Variants in PEAK1 observed in about 807,000 individuals in gnomAD.
PEAK1 encodes pseudopodium enriched atypical kinase 1, also known as inactive tyrosine-protein kinase PEAK1.
Under a neutral mutation model 124.7 loss-of-function variants are expected in PEAK1, and 54 were observed. That is an observed-to-expected ratio of 0.43 (90% CI 0.35 to 0.54). The LOEUF (loss-of-function observed/expected upper bound fraction) is 0.54, where lower values mean the gene tolerates loss of function less well. Ranked by LOEUF, PEAK1 falls within the 20% of genes least tolerant of loss-of-function variation. The pLI is 0.01. For missense variants in PEAK1, 2,046 were observed against 2,134.5 expected, an observed-to-expected ratio of 0.96 and a Z score of 0.82; for synonymous variants, 719 against 760.0, an observed-to-expected ratio of 0.95 and a Z score of 0.89.
intron 9 of PEAK1, among the ~76,000 whole-genome samples, chr15:77,120,601 C>G (rs776894539): frequency 6.6e-6 from 1 of 152,200 alleles, no homozygotes; most frequent in African/African-American, 2.4e-5. Flanking sequence ...CTACCTTCAT[C>G]ACTTGCCTGG....
chr15:77,185,986 A>G (rs2057527058), intron 6 of PEAK1, among the ~76,000 whole-genome samples: 1 of 152,240 alleles, frequency 6.6e-6, no homozygotes, highest in Non-Finnish European at 1.5e-5. Flanking sequence ...CAAGGCTACA[A>G]CTACCTACAA....
rs558177290 is a variant in PEAK1 at position 77,359,344 on chromosome 15, G to C, written c.-603+5819C>G. ...AGTCCCAGCTACTTGAGGGGCAGAG[G>C]CAGGAGGATCACCTGAACCCAGGAA... On this transcript the variant is annotated intron_variant, in intron 2 of 9. Coordinates refer to ENST00000682557, the MANE Select transcript of PEAK1 (RefSeq NM_001385026.1). Among the ~76,000 whole-genome samples, 221 of 151,998 alleles carry C rather than the reference G, an allele frequency of 1.5e-3. 1 individual carries two copies. The highest frequency in any genetic ancestry group is 5.2e-3 in the African/African-American group (215 of 41,424).
At chr15:77,268,295 T>G (rs552859099) in intron 5 of PEAK1, among the ~76,000 whole-genome samples, 1 of 152,204 alleles carries the variant, frequency 6.6e-6, no homozygotes, top group African/African-American at 2.4e-5. Flanking sequence ...GCCAAGATGG[T>G]GAAACCCCAT....
At chr15:77,419,071 T>G in intron 1 of PEAK1, 1 of 985,412 alleles carries the variant, frequency 1.0e-6, no homozygotes, top group South Asian at 4.7e-5. Context: ...ATCATAGTTT[T>G]CCTCTAACTC....
chr15:77,129,137 C>T (rs567631694), intron 9 of PEAK1, among the ~76,000 whole-genome samples: 2 of 152,362 alleles, frequency 1.3e-5, no homozygotes, highest in Non-Finnish European at 2.9e-5. Context: ...CTTGCACTCT[C>T]TTCCTTCCTC....
At chr15:77,291,337 C>T (rs188643654) in intron 2 of PEAK1, among the ~76,000 whole-genome samples, 1 of 152,152 alleles carries the variant, frequency 6.6e-6, no homozygotes, top group South Asian at 2.1e-4. Context: ...AGCAAATTGA[C>T]AGATATAAAT....
chr15:77,406,984 A>G (rs867730885), intron 1 of PEAK1, among the ~76,000 whole-genome samples: 1 of 152,196 alleles, frequency 6.6e-6, no homozygotes, highest in African/African-American at 2.4e-5. Context: ...ACTACAGCCA[A>G]CTGATCTTCA....
At position 77,109,067 on chromosome 15, in the gene PEAK1, G is replaced by C. The variant is rs1429162965; in HGVS notation, c.*5089C>G. 3 of 152,260 alleles carry C rather than the reference G, an allele frequency of 2.0e-5. No individual in the cohort carries two copies. Among genetic ancestry groups the C allele is most frequent in the East Asian group, 3.9e-4 (2 of 5,176 alleles). 9.4% of individuals were successfully genotyped at this position (152,260 alleles called of 1,614,324 possible). On this transcript the variant is annotated 3_prime_UTR_variant, in exon 10 of 10. Coordinates refer to ENST00000682557, the MANE Select transcript of PEAK1 (RefSeq NM_001385026.1). ...CTTACAGATATTAAATGATGGTGAT[G>C]ATGAATGGTACACAACTCTGTAGGA...
chr15:77,286,392 A>G, intron 3 of PEAK1, 31 bp downstream of exon 3: 1 of 1,078,716 alleles, frequency 9.3e-7, no homozygotes, highest in Non-Finnish European at 1.2e-6. Context: ...CAGAATAAAC[A>G]TGTTACATTA....
At chr15:77,233,260 C>G (rs7182880) in intron 6 of PEAK1, among the ~76,000 whole-genome samples, 41,261 of 152,100 alleles carry the variant, frequency 0.27, 6,644 homozygotes, top group Middle Eastern at 0.38. Flanking sequence ...TCTCCTCAAT[C>G]CACTTAGTTC....
At chr15:77,207,668 A>G (rs938053222) in intron 6 of PEAK1, among the ~76,000 whole-genome samples, 3 of 152,210 alleles carry the variant, frequency 2.0e-5, no homozygotes, top group Admixed American at 2.0e-4. Context: ...GTTGCCAGGA[A>G]TAAGGGGGAA....
chr15:77,309,085 A>G (rs2064274973), intron 2 of PEAK1, among the ~76,000 whole-genome samples: 1 of 152,114 alleles, frequency 6.6e-6, no homozygotes, highest in African/African-American at 2.4e-5. Flanking sequence ...TAATTAGTAT[A>G]AAGTCATTTT....
At chr15:77,155,066 T>A (rs1349532945) in intron 8 of PEAK1, 2 of 152,236 alleles carry the variant, frequency 1.3e-5, no homozygotes, top group African/African-American at 2.4e-5. Flanking sequence ...CTGGATAATA[T>A]CCTGCAGAGT....
rs1276138287 is a variant in PEAK1, at chr15:77,181,621, TATG to T, written c.303_305del (p.Ile102del). The T allele has an allele frequency of 2.5e-6, 4 of 1,614,086 alleles. No homozygotes were observed. The African/African-American group carries it at 4.0e-5, about 16-fold the overall frequency. The stretch of plus-strand genomic sequence containing the variant: ...AGGCAGCTCTGTTTCGGTTCCACCC[TATG>T]ATGACAGGTTTGTTCTCACAGTGTT... On this transcript the variant is annotated inframe_deletion, in exon 7 of 10. Coordinates refer to ENST00000682557, the MANE Select transcript of PEAK1 (RefSeq NM_001385026.1).
chr15:77,363,107 C>A (rs1246742566), intron 2 of PEAK1, among the ~76,000 whole-genome samples: 2 of 152,182 alleles, frequency 1.3e-5, no homozygotes, highest in African/African-American at 4.8e-5. Flanking sequence ...CCACCTGCCT[C>A]AGCCTCCCAA....
At chr15:77,159,581 T>C (rs891106532) in intron 7 of PEAK1, among the ~76,000 whole-genome samples, 2 of 152,174 alleles carry the variant, frequency 1.3e-5, no homozygotes, top group Non-Finnish European at 2.9e-5. Flanking sequence ...CTGGGCCCAC[T>C]GAAAAGTATT....
At chr15:77,396,447 G>A (rs192161416) in intron 1 of PEAK1, among the ~76,000 whole-genome samples, 4 of 151,740 alleles carry the variant, frequency 2.6e-5, no homozygotes, top group South Asian at 2.1e-4. Context: ...GTAAATGAAC[G>A]AAACTCTCCT....
chr15:77,266,792 T>G (rs912847325), intron 5 of PEAK1, among the ~76,000 whole-genome samples: 16 of 152,146 alleles, frequency 1.1e-4, no homozygotes, highest in African/African-American at 3.9e-4. Flanking sequence ...CTCCAACAAC[T>G]ACCACAAGAA....
At chr15:77,329,967 A>T (rs2065801843) in intron 2 of PEAK1, among the ~76,000 whole-genome samples, 1 of 152,154 alleles carries the variant, frequency 6.6e-6, no homozygotes, top group South Asian at 2.1e-4. Context: ...AGCTGGACCT[A>T]TTCACCCTCT....
Sources: allele counts gnomAD v4.1 joint callset (sites outside exome capture counted in the v4.1 genomes callset), GRCh38; gene constraint gnomAD v4.1.1; transcripts MANE v1.5; gene names NCBI Gene and HGNC (gene_info 2026-07-23, HGNC 2026-07-21).